EFR3B: variants seen among roughly 807,000 people sequenced by gnomAD.
EFR3B encodes protein EFR3 homolog B.
Under a neutral mutation model 104.7 loss-of-function variants are expected in EFR3B, and 64 were observed. The observed-to-expected ratio is 0.61, with a 90% confidence interval of 0.50 to 0.75. The LOEUF is 0.75. EFR3B is among the 30% of genes least tolerant of loss of function. The pLI, the probability that EFR3B is intolerant of heterozygous loss-of-function variation, is 0.00. For synonymous variants in EFR3B, 385 were observed against 417.9 expected (o/e 0.92, Z 0.96); for missense variants, 750 against 1,078.5 (o/e 0.70, Z 4.27).
intron 10 of EFR3B, 81 bp from the exon 11 acceptor site, chr2:25,132,819 TCGC>T: frequency 8.6e-7 from 1 of 1,162,510 alleles, no homozygotes; most frequent in African/African-American, 1.5e-5. Context: ...GAGGCAGCCC[TCGC>T]TCTCTGCAGC....
intron 3 of EFR3B, among the ~76,000 whole-genome samples, chr2:25,094,282 CA>C (rs11455802): frequency 3.2e-4 from 29 of 91,652 alleles, no homozygotes; most frequent in African/African-American, 1.2e-3. Flanking sequence ...GAGACTGTCT[CA>C]AAAAAAAAAA....
chr2:25,126,978 G>A (rs940389757), intron 5 of EFR3B, among the ~76,000 whole-genome samples: 13 of 151,668 alleles, frequency 8.6e-5, no homozygotes, highest in Non-Finnish European at 5.9e-5. Flanking sequence ...TAGATCATGA[G>A]GTCAGGAGTT....
Position 25,118,726 on chromosome 2 carries a change from C to CAAAAAAAAAAA in EFR3B, c.364-2925_364-2915dup, listed in dbSNP as rs869026900. Among the ~76,000 whole-genome samples the CAAAAAAAAAAA allele has an allele frequency of 5.4e-4, 18 of 33,538 alleles. 5 individuals are homozygous for CAAAAAAAAAAA. Among genetic ancestry groups the CAAAAAAAAAAA allele is most frequent in the Non-Finnish European group, 6.8e-4 (14 of 20,512 alleles). The allele number at this position is 33,538 out of a possible 152,430, so 22.0% of individuals were successfully genotyped here. On this transcript the variant is annotated intron_variant, in intron 4 of 22. Coordinates refer to ENST00000403714, the MANE Select transcript of EFR3B (RefSeq NM_014971.2). ...ACAACACAATGAGACCCTGTCTCTACAAAAAAAAAAAAAAAAAAAAAAAAA... is the reference window on the plus strand; with the variant it reads ...ACAACACAATGAGACCCTGTCTCTACAAAAAAAAAAAAAAAAAAAAAAAAAAAAAAAAAAAA...
At chr2:25,083,584 C>T (rs1207865125) in intron 1 of EFR3B, among the ~76,000 whole-genome samples, 1 of 152,134 alleles carries the variant, frequency 6.6e-6, no homozygotes, top group Non-Finnish European at 1.5e-5. Context: ...TCCCAGCACC[C>T]ACTAAGCTGC....
chr2:25,076,715 G>A (rs1668642004), intron 1 of EFR3B, among the ~76,000 whole-genome samples: 1 of 152,150 alleles, frequency 6.6e-6, no homozygotes, highest in African/African-American at 2.4e-5. Context: ...ATGAAGAATT[G>A]AAGCCCTGAC....
chr2:25,147,828 C>T (rs1238921108), intron 19 of EFR3B: 1 of 152,042 alleles, frequency 6.6e-6, no homozygotes, highest in African/African-American at 2.4e-5. Flanking sequence ...CAAGACCAGC[C>T]TGATCAACAT....
chr2:25,123,164 G>T (rs1163181379), intron 5 of EFR3B, among the ~76,000 whole-genome samples: 1 of 151,842 alleles, frequency 6.6e-6, no homozygotes, highest in Non-Finnish European at 1.5e-5. Context: ...GGAGTTTGAG[G>T]CCAGCCTGGG....
chr2:25,065,346 A>ATTTT (rs749717958), intron 1 of EFR3B, among the ~76,000 whole-genome samples: 5 of 93,352 alleles, frequency 5.4e-5, no homozygotes, highest in Admixed American at 1.3e-4. Context: ...ACACCCAGCT[A>ATTTT]TTTTTTTTTT....
intron 1 of EFR3B, among the ~76,000 whole-genome samples, chr2:25,065,305 C>T (rs180678941): frequency 3.9e-5 from 6 of 151,948 alleles, no homozygotes; most frequent in African/African-American, 7.2e-5. Context: ...TTCAGCCTCC[C>T]GAGCAGCTGG....
intron 19 of EFR3B, among the ~76,000 whole-genome samples, chr2:25,149,122 G>A (rs934021167): frequency 5.3e-5 from 8 of 151,706 alleles, no homozygotes; most frequent in Admixed American, 1.3e-4. Flanking sequence ...AGGCCGAGGC[G>A]GGCAGATCAT....
At chr2:25,134,064 G>A (rs946765575) in intron 12 of EFR3B, among the ~76,000 whole-genome samples, 4 of 152,088 alleles carry the variant, frequency 2.6e-5, no homozygotes, top group African/African-American at 7.2e-5. Flanking sequence ...GCCTAAACCT[G>A]ACATCTCACA....
chr2:25,070,595 G>A (rs532597546), intron 1 of EFR3B, among the ~76,000 whole-genome samples: 17 of 152,326 alleles, frequency 1.1e-4, no homozygotes, highest in Non-Finnish European at 2.5e-4. Flanking sequence ...CAAATCTGGA[G>A]GAGCTAGTGA....
intron 1 of EFR3B, among the ~76,000 whole-genome samples, chr2:25,071,929 A>G (rs531496166): frequency 2.7e-4 from 41 of 152,152 alleles, no homozygotes; most frequent in Non-Finnish European, 5.1e-4. Context: ...CTGAGTTTTC[A>G]TCAGCTTTTC....
intron 4 of EFR3B, among the ~76,000 whole-genome samples, chr2:25,105,254 G>A (rs959546538): frequency 6.6e-6 from 1 of 152,184 alleles, no homozygotes; most frequent in Non-Finnish European, 1.5e-5. Context: ...CTGGGTTCAA[G>A]TAATTCTCTT....
At chr2:25,068,633 G>GT (rs34036647) in intron 1 of EFR3B, among the ~76,000 whole-genome samples, 25,075 of 143,466 alleles carry the variant, frequency 0.17, 2,365 homozygotes, top group East Asian at 0.25. Flanking sequence ...TTTTTTTTAT[G>GT]TTTTTTTTTT....
chr2:25,121,830 T>A, intron 5 of EFR3B, 36 bp downstream of exon 5: 1 of 1,551,632 alleles, frequency 6.4e-7, no homozygotes. Flanking sequence ...TGGTTCAGCT[T>A]ACAGCAGAAG....
At position 25,131,487 on chromosome 2, in the gene EFR3B, T is replaced by C; in HGVS notation, c.969T>C (p.Ala323=). The C allele has an allele frequency of 6.5e-7, 1 of 1,549,706 alleles. No homozygotes were observed. Among genetic ancestry groups the C allele is most frequent in the Non-Finnish European group, 8.7e-7 (1 of 1,146,820 alleles). Residue 323 remains alanine, a synonymous_variant, in exon 9 of 23, where the codon GCT becomes GCC. Coordinates refer to ENST00000403714, the MANE Select transcript of EFR3B (RefSeq NM_014971.2). This position sits in a 1 kb window ranked among gnomAD's most constrained non-coding sequence, Gnocchi z 7.6. The part of the protein sequence containing the change: ...VEVLSEAAVI[A]ATGSVGPTVL... ...TCTTGTCGGAAGCCGCGGTCATCGC[T>C]GCCACCGGCTCTGTGGGTAAGGGGC...
intron 1 of EFR3B, chr2:25,081,457 T>G (rs774777270): frequency 1.4e-6 from 2 of 1,441,750 alleles, no homozygotes; most frequent in Non-Finnish European, 1.9e-6. Context: ...ATCTGGTGAT[T>G]TTGCCACATA....
In EFR3B at chr2:25,130,156, G is replaced by A; in HGVS notation, c.770+47G>A. 6.5e-7 allele frequency: 1 copy of A among 1,549,714 alleles called. No homozygotes were observed. The highest frequency in any genetic ancestry group is 1.2e-5 in the South Asian group (1 of 84,018). ...CTTGGCCCCAGCCTTCAGCCTGGAT[G>A]TGTTTCAGGTCCCTGGCATCTCCTG... On this transcript the variant is annotated intron_variant, in intron 7 of 22. Coordinates refer to ENST00000403714, the MANE Select transcript of EFR3B (RefSeq NM_014971.2). This position sits in a 1 kb window ranked among gnomAD's most constrained non-coding sequence, Gnocchi z 4.6.
Sources: gnomAD v4.1 joint callset for allele counts (sites outside exome capture counted in the v4.1 genomes callset) on GRCh38, gnomAD v4.1.1 for gene constraint, Gnocchi (gnomAD v3.1) non-coding constraint, MANE v1.5 for transcripts, NCBI Gene and HGNC (gene_info 2026-07-23, HGNC 2026-07-21) for gene names.